PLSCR5: variants seen among roughly 807,000 people sequenced by gnomAD.
PLSCR5 encodes the protein phospholipid scramblase family member 5, also known as phospholipid scramblase family, member 5.
Under a neutral mutation model 33.6 loss-of-function variants are expected in PLSCR5, and 44 were observed. The ratio of observed to expected loss-of-function variants is 1.31; its 90% confidence interval spans 1.03 to 1.69. The LOEUF (loss-of-function observed/expected upper bound fraction) is 1.69. Ranked by LOEUF, PLSCR5 falls within the 40% of genes most tolerant of loss-of-function variation. The probability of loss-of-function intolerance (pLI) is 0.00; values close to 1 mark genes in which losing one functional copy is unlikely to be tolerated. For synonymous variants in PLSCR5, 148 were observed against 112.3 expected (o/e 1.32, Z -2.01); for missense variants, 375 against 318.7 (o/e 1.18, Z -1.34).
intron 7 of PLSCR5, among the ~76,000 whole-genome samples, chr3:146,577,561 A>G (rs2044606904): frequency 6.6e-6 from 1 of 152,098 alleles, no homozygotes; most frequent in Non-Finnish European, 1.5e-5. Flanking sequence ...TTGGTACGCC[A>G]ATGTTACTCA....
At chr3:146,600,781 A>G (rs1036035322) in intron 1 of PLSCR5, among the ~76,000 whole-genome samples, 1 of 149,664 alleles carries the variant, frequency 6.7e-6, no homozygotes, top group South Asian at 2.1e-4. Flanking sequence ...TACTTACTGC[A>G]TATATATTTA....
Position 146,589,657 on chromosome 3 carries a change from A to G in PLSCR5, c.773T>C (p.Leu258Pro). Residue 258 changes from leucine (L) to proline (P), a missense_variant, in exon 6 of 8, where the codon CTC becomes CCC. Physicochemically the swap from Leu to Pro is moderately conservative, Grantham distance 98 (BLOSUM62 -3). Transcript: ENST00000443512. ...VKAAMIGACF[L>P]FDFMFFEHSL... ...GCTCTCAAAGCCCATACTTACAAAG[A>G]GAAAACAGGCACCGATCATTGCTGC... The G allele has an allele frequency of 6.3e-7, 1 of 1,581,144 alleles. No homozygotes were observed. The highest frequency in any genetic ancestry group is 8.6e-7 in the Non-Finnish European group (1 of 1,158,416).
At position 146,594,121 on chromosome 3, in the gene PLSCR5, G is replaced by A. The variant is rs1242658378; in HGVS notation, c.252C>T (p.Thr84=). 1.5e-5 allele frequency: 24 copies of A among 1,612,754 alleles called. No homozygotes were observed. The highest frequency in any genetic ancestry group is 2.0e-5 in the Non-Finnish European group (23 of 1,179,280). The change falls in exon 4 of 8, where the codon ACC becomes ACT. Residue 84 remains threonine (T), a synonymous_variant. Coordinates refer to ENST00000443512, the MANE Select transcript of PLSCR5 (RefSeq NM_001085420.2). The part of the protein sequence containing the change: ...ELLGMILGTE[T]SNKYEIKNSL... ...TGTTTTTAATCTCATATTTGTTGGA[G>A]GTCTCAGTACCAAGTATCACTAATG...
At position 146,595,028 on chromosome 3, in the gene PLSCR5, A is replaced by G; in HGVS notation, c.232+13T>C. ...TAGTTTTAATAAATATGTAATATAT[A>G]TAATGCACTTACTTCCAAGCAGCTC... is the stretch of plus-strand genomic sequence containing the variant. On this transcript the variant is annotated intron_variant, in intron 3 of 7. Coordinates refer to ENST00000443512, the MANE Select transcript of PLSCR5 (RefSeq NM_001085420.2). The G allele has an allele frequency of 1.4e-6, 2 of 1,397,798 alleles. No homozygotes were observed. 86.6% of individuals were successfully genotyped at this position (1,397,798 alleles called of 1,614,324 possible).
intron 7 of PLSCR5, among the ~76,000 whole-genome samples, chr3:146,578,736 A>T (rs1242670028): frequency 6.6e-6 from 1 of 152,166 alleles, no homozygotes; most frequent in Non-Finnish European, 1.5e-5. Context: ...TTGTGAAACA[A>T]ATAGTCTTAT....
At chr3:146,601,355 A>G (rs764027423) in intron 1 of PLSCR5, among the ~76,000 whole-genome samples, 11 of 151,338 alleles carry the variant, frequency 7.3e-5, no homozygotes, top group Non-Finnish European at 1.6e-4. Flanking sequence ...CTCTCATTAG[A>G]TATAATTTTT....
In PLSCR5 at chr3:146,589,719, T is replaced by C. The variant is rs1280591898; in HGVS notation, c.711A>G (p.Gly237=). ...NDVFTNADNF[G]IHVPADLDVT... ...CATCTAGATCTGCAGGAACATGAAT[T>C]CCGAAATTGTCAGCATTTGTGAAGA... The change falls in exon 6 of 8, where the codon GGA becomes GGG. Residue 237 remains glycine (G), a synonymous_variant. Transcript: ENST00000443512. The C allele has an allele frequency of 2.4e-5, 38 of 1,603,348 alleles. No individual in the cohort carries two copies. The highest frequency in any genetic ancestry group is 3.2e-5 in the Non-Finnish European group (38 of 1,171,938).
At chr3:146,580,432 T>C (rs1004591788) in intron 7 of PLSCR5, among the ~76,000 whole-genome samples, 18 of 150,980 alleles carry the variant, frequency 1.2e-4, no homozygotes, top group African/African-American at 4.4e-4. Context: ...CAGTTGCTCT[T>C]GACTCAGAGC....
intron 7 of PLSCR5, among the ~76,000 whole-genome samples, chr3:146,577,354 T>C (rs1482389049): frequency 2.0e-5 from 3 of 152,146 alleles, no homozygotes; most frequent in South Asian, 2.1e-4. Flanking sequence ...TGTCTTGGTT[T>C]GGCCTATACA....
At chr3:146,597,690 G>C (rs2044773296) in intron 2 of PLSCR5, among the ~76,000 whole-genome samples, 1 of 152,124 alleles carries the variant, frequency 6.6e-6, no homozygotes, top group Non-Finnish European at 1.5e-5. Context: ...TTCATTGATA[G>C]ACTAGCAATT....
chr3:146,595,067 A>T lies in PLSCR5; in HGVS notation c.206T>A (p.Ile69Lys), dbSNP rs764341455. Reference sequence around the variant, plus strand: ...TCCAAGCAGCTCCACCTGCTGGTGTATAATTATCAGGTCTAACTGTAAAGG... The same window carrying T: ...TCCAAGCAGCTCCACCTGCTGGTGTTTAATTATCAGGTCTAACTGTAAAGG... ...EYLSQLDLII[I>K]HQQVELLGMI... The change falls in exon 3 of 8, where the codon ATA becomes AAA. Residue 69 changes from isoleucine to lysine, a missense_variant. Transcript: ENST00000443512. 23 of 1,434,142 alleles carry T rather than the reference A, an allele frequency of 1.6e-5. 1 individual carries two copies. In the South Asian group the frequency reaches 3.6e-4, roughly 22 times the overall value. 88.8% of individuals were successfully genotyped at this position (1,434,142 alleles called of 1,614,324 possible).
chr3:146,577,114 T>C (rs1267044036), intron 7 of PLSCR5, among the ~76,000 whole-genome samples: 1 of 152,144 alleles, frequency 6.6e-6, no homozygotes, highest in Non-Finnish European at 1.5e-5. Flanking sequence ...ACATTTAGCC[T>C]GGGTTAAAAG....
chr3:146,589,157 T>C (rs1178536133), intron 6 of PLSCR5, among the ~76,000 whole-genome samples: 2 of 152,128 alleles, frequency 1.3e-5, no homozygotes, highest in Non-Finnish European at 2.9e-5. Context: ...AACAAGAACA[T>C]AGTATCTTAG....
downstream of PLSCR5, among the ~76,000 whole-genome samples, chr3:146,584,993 T>C (rs1025494323): frequency 6.6e-6 from 1 of 152,136 alleles, no homozygotes; most frequent in Non-Finnish European, 1.5e-5. Context: ...CATGGCTTCA[T>C]GGTACCTTGC....
intron 2 of PLSCR5, 64 bp downstream of exon 2, chr3:146,600,224 G>A (rs1007054162): frequency 2.5e-6 from 3 of 1,199,860 alleles, no homozygotes; most frequent in Non-Finnish European, 2.1e-6. Flanking sequence ...TGAAAAGCCA[G>A]AAAGAAAGTT....
intron 3 of PLSCR5, among the ~76,000 whole-genome samples, chr3:146,594,413 G>A (rs1191542472): frequency 6.6e-6 from 1 of 151,956 alleles, no homozygotes; most frequent in Non-Finnish European, 1.5e-5. Context: ...TTCACTAAAG[G>A]ACAAATGCTT....
At chr3:146,576,566 A>C (rs1303322859) in exon 8 of PLSCR5, 1 of 152,086 alleles carries the variant, frequency 6.6e-6, no homozygotes, top group Non-Finnish European at 1.5e-5. Context: ...AAAACAAAGT[A>C]ATTTAATTTT....
At chr3:146,591,920 G>T (rs2044719556) in intron 4 of PLSCR5, 39 bp from the exon 5 acceptor site, 2 of 1,471,484 alleles carry the variant, frequency 1.4e-6, no homozygotes, top group Non-Finnish European at 1.8e-6. Flanking sequence ...ATTTTCTTAG[G>T]TTATCATATT....
Position 146,594,041 on chromosome 3 carries a change from G to A in PLSCR5, c.332C>T (p.Thr111Ile), listed in dbSNP as rs761539225. The change falls in exon 4 of 8, where the codon ACT becomes ATT. Residue 111 changes from threonine to isoleucine, a missense_variant. By Grantham distance (89) the Thr-to-Ile change is moderately conservative. Coordinates refer to ENST00000443512, the MANE Select transcript of PLSCR5 (RefSeq NM_001085420.2). ...GCAAGATCGCAGAGTGGAACAGAAA[G>A]TACGATTGAAGCAGATGCTTTCCTC... The part of the protein sequence containing the change: ...AVEESICFNR[T>I]FCSTLRSCTL... 3 of 1,613,630 alleles carry A rather than the reference G, an allele frequency of 1.9e-6. No individual in the cohort carries two copies. The highest frequency in any genetic ancestry group is 4.5e-5 in the East Asian group (2 of 44,872).
Sources: gnomAD v4.1 joint callset for allele counts (sites outside exome capture counted in the v4.1 genomes callset) on GRCh38, gnomAD v4.1.1 for gene constraint, MANE v1.5 for transcripts, NCBI Gene and HGNC (gene_info 2026-07-23, HGNC 2026-07-21) for gene names.